Variants in UNC5CL observed in about 807,000 individuals in gnomAD.
UNC5CL encodes UNC5C-like protein.
In UNC5CL, 42 loss-of-function variants were observed where a neutral mutation model predicts 54.1. That is an observed-to-expected ratio of 0.78 (90% CI 0.61 to 1.00). UNC5CL has a LOEUF of 1.00. Among genes scored for constraint, UNC5CL ranks in the 50% least tolerant of loss-of-function variants. UNC5CL has a pLI of 0.00. For synonymous variants in UNC5CL, 285 were observed against 285.1 expected, an observed-to-expected ratio of 1.00 and a Z score of 0.00; for missense variants, 619 against 675.6, an observed-to-expected ratio of 0.92 and a Z score of 0.93.
Position 41,034,040 on chromosome 6 carries a change from G to A in UNC5CL, c.527C>T (p.Pro176Leu). Residue 176 changes from proline (P) to leucine (L), a missense_variant, in exon 3 of 9, where the codon CCT (proline) becomes CTT (leucine). By Grantham distance (98) the Pro-to-Leu change is moderately conservative (BLOSUM62 -3). Transcript: ENST00000244565. ...ACAGTGTTTGAACGTGAGAGTGCAA[G>A]GCTTCAGGAAGGAGGCCCCATGGGG... ...CGPHGASFLK[P>L]CTLTFKHCAE... 6.2e-7 allele frequency: 1 copy of A among 1,614,210 alleles called. No homozygotes were observed. The highest frequency in any genetic ancestry group is 8.5e-7 in the Non-Finnish European group (1 of 1,180,024).
chr6:41,031,777 G>T (rs776238629), intron 5 of UNC5CL, 29 bp from the exon 6 acceptor site: 3 of 1,611,980 alleles, frequency 1.9e-6, no homozygotes, highest in Non-Finnish European at 2.5e-6. Flanking sequence ...AGCGTGGCCA[G>T]TGAGTGAGGA....
chr6:41,028,390 G>C lies in UNC5CL; in HGVS notation c.1540C>G (p.Leu514Val). ...GGARDNQGLE[L>V]DEKL Reference sequence around the variant, plus strand: ...CTGGGCGCTCAGAGCTTCTCGTCCAGCTCCAGGCCCTGGTTATCCCGGGCG... The same window carrying C: ...CTGGGCGCTCAGAGCTTCTCGTCCACCTCCAGGCCCTGGTTATCCCGGGCG... The change falls in exon 9 of 9, where the codon CTG becomes GTG. Residue 514 changes from leucine to valine, a missense_variant. Physicochemically the swap from Leu to Val is conservative, Grantham distance 32 (BLOSUM62 1). Coordinates refer to ENST00000244565, the MANE Select transcript of UNC5CL (RefSeq NM_173561.3). The surrounding 1 kb of genome is among the most constrained non-coding windows in gnomAD (Gnocchi z 4.3). The C allele has an allele frequency of 1.9e-6, 3 of 1,593,238 alleles. No individual in the cohort carries two copies. Among genetic ancestry groups the C allele is most frequent in the East Asian group, 2.3e-5 (1 of 44,340 alleles).
In UNC5CL at chr6:41,030,387, C is replaced by T. The variant is rs369496277; in HGVS notation, c.1334+1G>A. 88 of 1,613,892 alleles carry T rather than the reference C, an allele frequency of 5.5e-5. No homozygotes were observed. Among genetic ancestry groups the T allele is most frequent in the Middle Eastern group, 1.6e-4 (1 of 6,080 alleles). ...TCCACAGACCTCACCCCTCTTCCTACCGGATCTTCATGCCGCAAAGCCCCA... is the reference window on the plus strand; with the variant it reads ...TCCACAGACCTCACCCCTCTTCCTATCGGATCTTCATGCCGCAAAGCCCCA... On this transcript the variant is annotated splice_donor_variant, in intron 8 of 8. Coordinates refer to ENST00000244565, the MANE Select transcript of UNC5CL (RefSeq NM_173561.3). LOFTEE classifies it high-confidence loss of function.
chr6:41,033,575 T>G (rs534948384), intron 3 of UNC5CL: 3 of 519,256 alleles, frequency 5.8e-6, no homozygotes, highest in African/African-American at 1.9e-5. Flanking sequence ...TAGAGAGAGA[T>G]AATTTGAAAG....
At position 41,028,243 on chromosome 6, in the gene UNC5CL, G is replaced by A; in HGVS notation, c.*130C>T. On this transcript the variant is annotated 3_prime_UTR_variant, in exon 9 of 9. Coordinates refer to ENST00000244565, the MANE Select transcript of UNC5CL (RefSeq NM_173561.3). The surrounding 1 kb of genome is among the most constrained non-coding windows in gnomAD (Gnocchi z 4.3). ...TGGGAGGCTGGCGAGGACGCGGGCG[G>A]CCCTGGCACCGTCCGAGGGTTCTGG... is the stretch of plus-strand genomic sequence containing the variant. 6.8e-6 allele frequency: 7 copies of A among 1,034,874 alleles called. No individual in the cohort carries two copies. Among genetic ancestry groups the A allele is most frequent in the East Asian group, 2.7e-5 (1 of 36,536 alleles). The allele number at this position is 1,034,874 out of a possible 1,614,324, so 64.1% of individuals were successfully genotyped here. A position where few individuals can be genotyped will look rare whatever the true frequency, so the allele number is the denominator to read the frequency against.
rs1762474761 is a variant in UNC5CL at position 41,033,038 on chromosome 6, C to T, written c.795G>A (p.Leu265=). The T allele has an allele frequency of 1.2e-6, 2 of 1,611,334 alleles. No homozygotes were observed. The highest frequency in any genetic ancestry group is 1.1e-5 in the South Asian group (1 of 90,486). The part of the protein sequence containing the change: ...PLVPGQSHLQ[L]RIYFLNNTPC... Reference sequence around the variant, plus strand: ...GCGTGTTGTTGAGGAAGTAGATACGCAGTTGCAGATGGGACTGTCCTGGCA... The same window carrying T: ...GCGTGTTGTTGAGGAAGTAGATACGTAGTTGCAGATGGGACTGTCCTGGCA... The change falls in exon 4 of 9, where the codon CTG becomes CTA. Residue 265 remains leucine, a synonymous_variant. Transcript: ENST00000244565.
chr6:41,034,207 T>C, intron 2 of UNC5CL, 26 bp from the exon 3 acceptor site: 1 of 1,579,860 alleles, frequency 6.3e-7, no homozygotes, highest in Non-Finnish European at 8.6e-7. Context: ...AGAGCTGAGA[T>C]GGGCCTGGTA....
intron 1 of UNC5CL, among the ~76,000 whole-genome samples, chr6:41,038,080 C>T (rs974532674): frequency 4.6e-5 from 7 of 152,296 alleles, no homozygotes; most frequent in South Asian, 2.1e-4. Flanking sequence ...GGAGCAAAGA[C>T]GAACAAGGAC....
In UNC5CL at chr6:41,030,377, C is replaced by T. The variant is rs1339090920; in HGVS notation, c.1334+11G>A. 3.7e-6 allele frequency: 6 copies of T among 1,613,752 alleles called. No individual in the cohort carries two copies. The South Asian group carries it at 6.6e-5, about 18-fold the overall frequency. On this transcript the variant is annotated intron_variant, in intron 8 of 8. Coordinates refer to ENST00000244565, the MANE Select transcript of UNC5CL (RefSeq NM_173561.3). ...TCCTCTACCATCCACAGACCTCACC[C>T]CTCTTCCTACCGGATCTTCATGCCG... is the stretch of plus-strand genomic sequence containing the variant.
At chr6:41,034,249 A>T in intron 2 of UNC5CL, 68 bp from the exon 3 acceptor site, 2 of 1,507,206 alleles carry the variant, frequency 1.3e-6, no homozygotes, top group South Asian at 2.7e-5. Context: ...GAAAGAGGCC[A>T]GGCCAGAGAG....
chr6:41,031,950 A>C, intron 5 of UNC5CL, 86 bp downstream of exon 5: 1 of 1,417,700 alleles, frequency 7.1e-7, no homozygotes, highest in East Asian at 2.3e-5. Context: ...GGGGGTCTGC[A>C]GAGCTCCAGG....
At position 41,028,579 on chromosome 6, in the gene UNC5CL, G is replaced by C. The variant is rs774519376; in HGVS notation, c.1351C>G (p.Arg451Gly). 1 of 1,613,240 alleles carries C rather than the reference G, an allele frequency of 6.2e-7. No individual in the cohort carries two copies. Among genetic ancestry groups the C allele is most frequent in the African/African-American group, 1.3e-5 (1 of 74,944 alleles). The change falls in exon 9 of 9, where the codon CGC (arginine) becomes GGC (glycine). Residue 451 changes from arginine to glycine, a missense_variant. Coordinates refer to ENST00000244565, the MANE Select transcript of UNC5CL (RefSeq NM_173561.3). The surrounding 1 kb of genome is among the most constrained non-coding windows in gnomAD (Gnocchi z 4.3). ...TCCAGGATGGCCGCTGCGGGGCTGC[G>C]CTGGCAGGACAGGAACCTGGCCCGA... ...GMKIRFLSCQRSPAAAILELF... is the reference protein window; with the variant it reads ...GMKIRFLSCQGSPAAAILELF...
rs1387749379 is a variant in UNC5CL at position 41,029,544 on chromosome 6, T to C, written c.1334+844A>G. Among the ~76,000 whole-genome samples, 1 of 152,276 alleles carries C rather than the reference T, an allele frequency of 6.6e-6. No homozygotes were observed. The highest frequency in any genetic ancestry group is 1.5e-5 in the Non-Finnish European group (1 of 68,054). ...GCGCCGGGACCATGCCTCATTCATC[T>C]TGTATCATAGTGCTTAGCACAGTTT... On this transcript the variant is annotated intron_variant, in intron 8 of 8. Coordinates refer to ENST00000244565, the MANE Select transcript of UNC5CL (RefSeq NM_173561.3). The surrounding 1 kb of genome is among the most constrained non-coding windows in gnomAD (Gnocchi z 4.1).
At chr6:41,033,661 A>G in intron 3 of UNC5CL, 1 of 596,380 alleles carries the variant, frequency 1.7e-6, no homozygotes, top group Non-Finnish European at 2.9e-6. Flanking sequence ...AGACAGACAG[A>G]GAGACAGCAA....
intron 6 of UNC5CL, among the ~76,000 whole-genome samples, chr6:41,031,381 G>A (rs1387579129): frequency 6.6e-6 from 1 of 152,210 alleles, no homozygotes; most frequent in Non-Finnish European, 1.5e-5. Context: ...AGCCTAGAAA[G>A]AAACCATATC....
chr6:41,030,176 A>T (rs1355727214), intron 8 of UNC5CL, among the ~76,000 whole-genome samples: 1 of 152,230 alleles, frequency 6.6e-6, no homozygotes, highest in East Asian at 1.9e-4. Context: ...TTAAATGTTA[A>T]TTGAGCACCT....
chr6:41,034,898 T>C lies in UNC5CL; in HGVS notation c.177A>G (p.Gln59=), dbSNP rs754584767. ...QEEPVSQPTP[Q]LENEVSRQHL... is the part of the protein sequence containing the mutation. ...GCTGCCTTGAGACCTCATTTTCTAG[T>C]TGGGGGGTAGGCTGGGACACTGGTT... The change falls in exon 2 of 9, where the codon CAA becomes CAG. Residue 59 remains glutamine, a synonymous_variant. Coordinates refer to ENST00000244565, the MANE Select transcript of UNC5CL (RefSeq NM_173561.3). 22 of 1,614,118 alleles carry C rather than the reference T, an allele frequency of 1.4e-5. No homozygotes were observed. In the East Asian group the frequency reaches 2.7e-4, roughly 20 times the overall value.
chr6:41,033,388 G>A (rs771043584), intron 3 of UNC5CL, among the ~76,000 whole-genome samples: 52 of 152,188 alleles, frequency 3.4e-4, no homozygotes, highest in Non-Finnish European at 5.3e-4. Context: ...TGGGCTCAGG[G>A]TGACCATGCT....
intron 3 of UNC5CL, chr6:41,033,662 G>C: frequency 3.3e-6 from 2 of 597,156 alleles, no homozygotes; most frequent in South Asian, 2.2e-5. Context: ...GACAGACAGA[G>C]AGACAGCAAT....
Sources: allele counts gnomAD v4.1 joint callset (sites outside exome capture counted in the v4.1 genomes callset), GRCh38; gene constraint gnomAD v4.1.1; non-coding constraint Gnocchi (gnomAD v3.1); transcripts MANE v1.5; gene names NCBI Gene and HGNC (gene_info 2026-07-23, HGNC 2026-07-21).